ROBO2: variants seen among roughly 807,000 people sequenced by gnomAD.
ROBO2 encodes the protein roundabout guidance receptor 2, also known as roundabout homolog 2.
In ROBO2, 53 loss-of-function variants were observed where a neutral mutation model predicts 160.8. The observed-to-expected ratio is 0.33, with a 90% CI of 0.26 to 0.41. The LOEUF is 0.41. Ranked by LOEUF, ROBO2 falls within the 10% of genes least tolerant of loss-of-function variation. The pLI, the probability that ROBO2 is intolerant of heterozygous loss-of-function variation, is 1.00. For synonymous variants in ROBO2, 664 were observed against 611.7 expected (o/e 1.09, Z -1.26); for missense variants, 1,577 against 1,722.4 (o/e 0.92, Z 1.49).
At chr3:76,372,752 G>T (rs1348862747) in intron 2 of ROBO2, among the ~76,000 whole-genome samples, 1 of 151,840 alleles carries the variant, frequency 6.6e-6, no homozygotes, top group Admixed American at 6.6e-5. Context: ...CCCAAATCCA[G>T]TGAGACAGAC....
chr3:77,143,089 A>C (rs554760796), intron 2 of ROBO2, among the ~76,000 whole-genome samples: 1 of 150,746 alleles, frequency 6.6e-6, no homozygotes, highest in South Asian at 2.1e-4. Context: ...CAAGCAAACC[A>C]ATAAACAAAA....
chr3:76,296,608 A>G (rs891422167), intron 2 of ROBO2, among the ~76,000 whole-genome samples: 3 of 152,160 alleles, frequency 2.0e-5, no homozygotes, highest in African/African-American at 7.2e-5. Flanking sequence ...CTAATGTTCC[A>G]TAATTTACCT....
intron 2 of ROBO2, among the ~76,000 whole-genome samples, chr3:76,490,948 G>T (rs948902761): frequency 6.8e-6 from 1 of 146,322 alleles, no homozygotes; most frequent in Non-Finnish European, 1.5e-5. Flanking sequence ...CCTCAATGAA[G>T]ATTAATTTTG....
chr3:76,322,568 G>A (rs2072655175), intron 2 of ROBO2, among the ~76,000 whole-genome samples: 1 of 151,756 alleles, frequency 6.6e-6, no homozygotes, highest in Admixed American at 6.6e-5. Flanking sequence ...CAAGTGGGTG[G>A]GTACACTAGT....
At chr3:77,532,223 TC>T (rs2153635687) in intron 6 of ROBO2, among the ~76,000 whole-genome samples, 1 of 152,122 alleles carries the variant, frequency 6.6e-6, no homozygotes, top group South Asian at 2.1e-4. Context: ...TCTTTTTTTT[TC>T]CTCTCAGAAC....
At chr3:75,994,355 G>A (rs1350852446) in intron 2 of ROBO2, among the ~76,000 whole-genome samples, 1 of 152,158 alleles carries the variant, frequency 6.6e-6, no homozygotes, top group African/African-American at 2.4e-5. Context: ...CCATCCAAAT[G>A]TCAACTTGTA....
At chr3:76,185,217 C>CATAT (rs1701703268) in intron 2 of ROBO2, among the ~76,000 whole-genome samples, 1 of 32,058 alleles carries the variant, frequency 3.1e-5, no homozygotes, top group Non-Finnish European at 8.5e-5. Flanking sequence ...TATATATATA[C>CATAT]ACACACAAAG....
intron 2 of ROBO2, among the ~76,000 whole-genome samples, chr3:76,479,295 A>G (rs1232307519): frequency 6.6e-6 from 1 of 152,166 alleles, no homozygotes; most frequent in Admixed American, 6.6e-5. Flanking sequence ...ACCAAGTAAC[A>G]GTTCATTTTT....
chr3:76,127,227 C>T (rs981865711), intron 2 of ROBO2, among the ~76,000 whole-genome samples: 3 of 152,216 alleles, frequency 2.0e-5, no homozygotes, highest in African/African-American at 4.8e-5. Flanking sequence ...TACAACTCCA[C>T]CAGTGGTAAT....
chr3:77,394,723 G>GC (rs1417666013), intron 2 of ROBO2, among the ~76,000 whole-genome samples: 1 of 151,932 alleles, frequency 6.6e-6, no homozygotes, highest in African/African-American at 2.4e-5. Context: ...AACCAAGAAT[G>GC]CCTGCATTGT....
chr3:76,765,063 C>T (rs1182254872), intron 2 of ROBO2, among the ~76,000 whole-genome samples: 1 of 151,632 alleles, frequency 6.6e-6, no homozygotes, highest in Non-Finnish European at 1.5e-5. Flanking sequence ...CCCTCTCCGA[C>T]CCTTCCACCC....
chr3:77,198,927 A>G (rs1053169227), intron 2 of ROBO2, among the ~76,000 whole-genome samples: 113 of 152,140 alleles, frequency 7.4e-4, no homozygotes, highest in Non-Finnish European at 4.1e-4. Flanking sequence ...AAGAAAAAAG[A>G]AAGACATTTT....
At chr3:76,116,425 A>C (rs966084716) in intron 2 of ROBO2, among the ~76,000 whole-genome samples, 1 of 152,160 alleles carries the variant, frequency 6.6e-6, no homozygotes, top group Non-Finnish European at 1.5e-5. Context: ...CCATTTCTGC[A>C]TGTAATTCTA....
chr3:77,438,397 A>G (rs2079544541), intron 2 of ROBO2, among the ~76,000 whole-genome samples: 1 of 151,860 alleles, frequency 6.6e-6, no homozygotes, highest in Non-Finnish European at 1.5e-5. Context: ...CCAGGAAATA[A>G]ATCTGTATAT....
rs80215664 is a variant in ROBO2 at position 77,607,404 on chromosome 3, C to G, written c.3137-394C>G. On this transcript the variant is annotated intron_variant, in intron 20 of 25. Transcript: ENST00000461745. ...AAAAGTTTAGCCTATATCCTTAGACCTTGCATTTTCCACTGAGAGAGATTA... is the reference window on the plus strand; with the variant it reads ...AAAAGTTTAGCCTATATCCTTAGACGTTGCATTTTCCACTGAGAGAGATTA... 7.1e-3 allele frequency among the ~76,000 whole-genome samples: 1,073 copies of G among 152,084 alleles called. 8 individuals carry two copies. The highest frequency in any genetic ancestry group is 0.025 in the African/African-American group (1,016 of 41,468).
intron 7 of ROBO2, among the ~76,000 whole-genome samples, chr3:77,547,832 A>G (rs2092758463): frequency 6.6e-6 from 1 of 152,108 alleles, no homozygotes; most frequent in African/African-American, 2.4e-5. Context: ...TAATTTAGTA[A>G]TTACAAAACA....
At chr3:76,628,851 T>C (rs531879033) in intron 2 of ROBO2, among the ~76,000 whole-genome samples, 1 of 152,216 alleles carries the variant, frequency 6.6e-6, no homozygotes, top group African/African-American at 2.4e-5. Flanking sequence ...CAGGGCAATG[T>C]ATAGTTTAAG....
At chr3:76,796,482 G>A (rs13088792) in intron 2 of ROBO2, among the ~76,000 whole-genome samples, 2 of 137,204 alleles carry the variant, frequency 1.5e-5, no homozygotes, top group Non-Finnish European at 1.6e-5. Context: ...GAAGGAAGGA[G>A]GGAAGGAAGG....
intron 2 of ROBO2, among the ~76,000 whole-genome samples, chr3:76,115,691 T>A (rs1445831653): frequency 1.3e-5 from 2 of 152,156 alleles, no homozygotes; most frequent in African/African-American, 4.8e-5. Flanking sequence ...TAAACAAACA[T>A]CAATTGTTTT....
Sources: allele counts gnomAD v4.1 joint callset (sites outside exome capture counted in the v4.1 genomes callset), GRCh38; gene constraint gnomAD v4.1.1; transcripts MANE v1.5; gene names NCBI Gene and HGNC (gene_info 2026-07-23, HGNC 2026-07-21).